Variants in GPR149 observed in about 807,000 individuals in gnomAD.
GPR149 encodes G protein-coupled receptor 149.
Under a neutral mutation model 50.2 loss-of-function variants are expected in GPR149, and 50 were observed. That is an observed-to-expected ratio of 1.00 (90% CI 0.79 to 1.26). The LOEUF (loss-of-function observed/expected upper bound fraction) is 1.26, where lower values mean the gene tolerates loss of function less well. GPR149 is among the 50% of genes most tolerant of loss of function. GPR149 has a pLI of 0.00. For synonymous variants in GPR149, 405 were observed against 358.2 expected (o/e 1.13, Z -1.48); for missense variants, 983 against 895.4 (o/e 1.10, Z -1.25).
At chr3:154,354,950 T>G (rs878951912) in intron 3 of GPR149, among the ~76,000 whole-genome samples, 3 of 152,198 alleles carry the variant, frequency 2.0e-5, no homozygotes, top group South Asian at 2.1e-4. Flanking sequence ...AGTTTCTGCA[T>G]GAAACCTCAT....
Position 154,421,265 on chromosome 3 carries a change from G to T in GPR149, c.1397C>A (p.Thr466Lys). 1 of 1,613,370 alleles carries T rather than the reference G, an allele frequency of 6.2e-7. No individual in the cohort carries two copies. Among genetic ancestry groups the T allele is most frequent in the Non-Finnish European group, 8.5e-7 (1 of 1,179,506 alleles). ...TGTGCATTTGTTGATGCCTCTTTGT[G>T]TGGAGCTGTCCAGAGAGGGCGTGGT... ...ISTTPSLDSS[T>K]QRGINKCTNT... is the part of the protein sequence containing the mutation. The change falls in exon 3 of 4, where the codon ACA becomes AAA. Residue 466 changes from threonine to lysine, a missense_variant. Transcript: ENST00000389740.
At chr3:154,373,145 TG>T (rs766961189) in intron 3 of GPR149, among the ~76,000 whole-genome samples, 4 of 151,838 alleles carry the variant, frequency 2.6e-5, no homozygotes, top group Non-Finnish European at 5.9e-5. Context: ...ATTTAAAGAA[TG>T]GGCAGAGATA....
intron 3 of GPR149, among the ~76,000 whole-genome samples, chr3:154,406,880 TG>T (rs1170823012): frequency 6.6e-6 from 1 of 152,180 alleles, no homozygotes; most frequent in Non-Finnish European, 1.5e-5. Flanking sequence ...TACCTGAGAC[TG>T]GGTAATTTAT....
chr3:154,427,743 A>C, intron 1 of GPR149, 35 bp from the exon 2 acceptor site: 1 of 1,574,658 alleles, frequency 6.4e-7, no homozygotes, highest in Non-Finnish European at 8.6e-7. Flanking sequence ...CCTAACCTAA[A>C]ATTATACTTT....
Position 154,337,435 on chromosome 3 carries a change from C to G in GPR149, c.*264G>C, listed in dbSNP as rs1225407506. Reference sequence around the variant, plus strand: ...AAGCAAAAACATTGGTAAACTAGGCCAAGATTTGATTTAGAAAATATTTTT... The same window carrying G: ...AAGCAAAAACATTGGTAAACTAGGCGAAGATTTGATTTAGAAAATATTTTT... On this transcript the variant is annotated 3_prime_UTR_variant, in exon 4 of 4. Coordinates refer to ENST00000389740, the MANE Select transcript of GPR149 (RefSeq NM_001038705.3). Among the ~76,000 whole-genome samples the G allele has an allele frequency of 6.6e-6, 1 of 152,002 alleles. No individual in the cohort carries two copies. Among genetic ancestry groups the G allele is most frequent in the East Asian group, 1.9e-4 (1 of 5,180 alleles).
At chr3:154,345,306 C>T (rs1227496118) in intron 3 of GPR149, among the ~76,000 whole-genome samples, 1 of 152,092 alleles carries the variant, frequency 6.6e-6, no homozygotes, top group Non-Finnish European at 1.5e-5. Flanking sequence ...GTTACAAGTA[C>T]ATCAGAAGGT....
At chr3:154,380,164 G>GAA (rs1714884153) in intron 3 of GPR149, among the ~76,000 whole-genome samples, 1 of 83,520 alleles carries the variant, frequency 1.2e-5, no homozygotes, top group Non-Finnish European at 2.3e-5. Flanking sequence ...GTGTGAGAGA[G>GAA]ACAGAGAGAG....
chr3:154,377,801 T>C (rs1714827664), intron 3 of GPR149, among the ~76,000 whole-genome samples: 1 of 152,168 alleles, frequency 6.6e-6, no homozygotes, highest in Admixed American at 6.6e-5. Flanking sequence ...ACAATCCAGT[T>C]TTAGAACAGT....
At chr3:154,400,369 T>G (rs1711525305) in intron 3 of GPR149, among the ~76,000 whole-genome samples, 1 of 152,216 alleles carries the variant, frequency 6.6e-6, no homozygotes. Context: ...GAAATTATAT[T>G]ATTTGCCTTA....
chr3:154,336,505 A>G lies in GPR149; in HGVS notation c.*1194T>C, dbSNP rs1481444702. The stretch of plus-strand genomic sequence containing the variant: ...CATATATGTTTACAGGAAGGTTAGA[A>G]TAAAGCAATTTGAAGGAAAATCACT... On this transcript the variant is annotated 3_prime_UTR_variant, in exon 4 of 4. Transcript: ENST00000389740. 6.6e-6 allele frequency: 1 copy of G among 152,140 alleles called. No individual in the cohort carries two copies. Among genetic ancestry groups the G allele is most frequent in the African/African-American group, 2.4e-5 (1 of 41,462 alleles). The allele number at this position is 152,140 out of a possible 1,614,324, so 9.4% of individuals were successfully genotyped here.
At chr3:154,348,097 T>G (rs1713978850) in intron 3 of GPR149, among the ~76,000 whole-genome samples, 1 of 152,168 alleles carries the variant, frequency 6.6e-6, no homozygotes, top group African/African-American at 2.4e-5. Context: ...TAGTAAGTGC[T>G]CCATAAATGT....
intron 3 of GPR149, among the ~76,000 whole-genome samples, chr3:154,383,879 C>T (rs983386256): frequency 3.3e-5 from 5 of 151,974 alleles, no homozygotes; most frequent in South Asian, 2.1e-4. Flanking sequence ...CTCTACCATG[C>T]GACGACACAG....
chr3:154,367,577 C>A (rs1231769050), intron 3 of GPR149, among the ~76,000 whole-genome samples: 1 of 152,226 alleles, frequency 6.6e-6, no homozygotes, highest in Non-Finnish European at 1.5e-5. Context: ...CATCTTCCCA[C>A]TGCACGTATT....
chr3:154,347,324 G>A (rs1347945649), intron 3 of GPR149, among the ~76,000 whole-genome samples: 4 of 152,256 alleles, frequency 2.6e-5, no homozygotes, highest in Admixed American at 6.5e-5. Context: ...GAATCATGAC[G>A]GAAGAGGACA....
At chr3:154,376,116 C>T (rs1205850015) in intron 3 of GPR149, among the ~76,000 whole-genome samples, 4 of 152,220 alleles carry the variant, frequency 2.6e-5, no homozygotes, top group African/African-American at 4.8e-5. Flanking sequence ...GAATCTATTA[C>T]TCAGTCTATC....
chr3:154,353,526 A>C (rs1163742661), intron 3 of GPR149: 1 of 919,910 alleles, frequency 1.1e-6, no homozygotes, highest in Middle Eastern at 2.1e-4. Context: ...ATGATCTTTG[A>C]TATGACCAGG....
intron 3 of GPR149, among the ~76,000 whole-genome samples, chr3:154,372,293 T>C (rs568303873): frequency 5.3e-5 from 8 of 152,132 alleles, no homozygotes; most frequent in South Asian, 4.2e-4. Flanking sequence ...AGAATTTGTG[T>C]GTGTGTTTTC....
At chr3:154,398,370 A>C (rs779202067) in intron 3 of GPR149, among the ~76,000 whole-genome samples, 1 of 152,186 alleles carries the variant, frequency 6.6e-6, no homozygotes, top group Non-Finnish European at 1.5e-5. Context: ...TGACTTTCTG[A>C]AACAAAAAAA....
chr3:154,354,626 C>T lies in GPR149; in HGVS notation c.1624-16355G>A, dbSNP rs978826794. ...GAGGAAAGACTCTACAACTCCTCTA[C>T]AGGCTCCTTGAGGGCAGGGACCATT... On this transcript the variant is annotated intron_variant, in intron 3 of 3. Coordinates refer to ENST00000389740, the MANE Select transcript of GPR149 (RefSeq NM_001038705.3). The T allele has an allele frequency of 8.5e-5, 17 of 200,988 alleles. No individual in the cohort carries two copies. The South Asian group carries it at 2.3e-3, about 27-fold the overall frequency. The allele number at this position is 200,988 out of a possible 1,614,324, so 12.5% of individuals were successfully genotyped here.
Sources: allele counts gnomAD v4.1 joint callset (sites outside exome capture counted in the v4.1 genomes callset), GRCh38; gene constraint gnomAD v4.1.1; transcripts MANE v1.5; gene names NCBI Gene and HGNC (gene_info 2026-07-23, HGNC 2026-07-21).